PCDH11X: variants seen among roughly 807,000 people sequenced by gnomAD.
PCDH11X encodes protocadherin-11 X-linked.
A neutral mutation model predicts 53.3 loss-of-function variants in PCDH11X; 18 were observed. That is an observed-to-expected ratio of 0.34 (90% CI 0.23 to 0.50). The LOEUF (loss-of-function observed/expected upper bound fraction) is 0.50. PCDH11X is among the 20% of genes least tolerant of loss of function. The pLI is 0.98. For synonymous variants in PCDH11X, 279 were observed against 393.3 expected, an observed-to-expected ratio of 0.71 and a Z score of 3.44; for missense variants, 570 against 1,032.4, an observed-to-expected ratio of 0.55 and a Z score of 6.14.
chrX:92,219,569 C>T (rs1376946219), intron 7 of PCDH11X, among the ~76,000 whole-genome samples: 2 of 105,614 alleles, frequency 1.9e-5, no homozygotes, highest in South Asian at 4.4e-4. Context: ...AATGGAAGAA[C>T]ATTCCATGCT....
chrX:91,780,422 T>C (rs1248196235), intron 1 of PCDH11X, among the ~76,000 whole-genome samples: 3 of 112,119 alleles, frequency 2.7e-5, no homozygotes, highest in Non-Finnish European at 5.6e-5. Context: ...CAACTTATAA[T>C]CTAGCCGAAA....
intron 6 of PCDH11X, among the ~76,000 whole-genome samples, chrX:92,030,236 C>T (rs904690833): frequency 2.7e-5 from 3 of 111,984 alleles, no homozygotes; most frequent in Non-Finnish European, 5.6e-5. Context: ...GCTGGGATTA[C>T]ATGTGTGAGC....
chrX:91,884,591 TA>T (rs1940112044), intron 6 of PCDH11X, among the ~76,000 whole-genome samples: 1 of 111,742 alleles, frequency 8.9e-6, no homozygotes, highest in African/African-American at 3.3e-5. Flanking sequence ...GTAAGTCAAC[TA>T]ACTCATTTCC....
intron 6 of PCDH11X, among the ~76,000 whole-genome samples, chrX:91,920,322 A>G (rs1442931665): frequency 9.1e-6 from 1 of 110,338 alleles, no homozygotes; most frequent in Non-Finnish European, 1.9e-5. Context: ...AATGGTGGAT[A>G]AAATAGGGCC....
At chrX:92,431,839 G>T (rs1293208607) in intron 9 of PCDH11X, among the ~76,000 whole-genome samples, 1 of 109,181 alleles carries the variant, frequency 9.2e-6, no homozygotes, top group Non-Finnish European at 1.9e-5. Context: ...CTTAGACAAG[G>T]TTAAAATCTT....
At chrX:92,284,998 T>C (rs2068332010) in intron 8 of PCDH11X, among the ~76,000 whole-genome samples, 1 of 111,343 alleles carries the variant, frequency 9.0e-6, no homozygotes, top group Non-Finnish European at 1.9e-5. Context: ...TTTTCCACTT[T>C]TTCCCTCTGT....
chrX:91,831,936 T>C (rs1386376413), intron 4 of PCDH11X, among the ~76,000 whole-genome samples: 6 of 104,531 alleles, frequency 5.7e-5, no homozygotes, highest in African/African-American at 2.1e-4. Context: ...TCCTTCTAGG[T>C]TGGCAACATA....
chrX:92,402,128 T>C (rs1452631550), intron 9 of PCDH11X, among the ~76,000 whole-genome samples: 1 of 111,294 alleles, frequency 9.0e-6, no homozygotes, highest in African/African-American at 3.3e-5. Context: ...AATAACTCTG[T>C]AACCTAGGTG....
At chrX:92,121,596 ACTCTGT>A (rs1213760773) in intron 6 of PCDH11X, among the ~76,000 whole-genome samples, 1 of 111,651 alleles carries the variant, frequency 9.0e-6, no homozygotes, top group Non-Finnish European at 1.9e-5. Context: ...ATATGTGTGT[ACTCTGT>A]CACACAATGC....
rs773507958 is a variant in PCDH11X, at chrX:92,014,522, A to G, written c.3033+135249A>G. On this transcript the variant is annotated intron_variant, in intron 6 of 10. Transcript: ENST00000682573. ...ACTAGAAATATCATTTGACCCAGCC[A>G]TCCCATTACTGGGTATATACCCAAA... is the stretch of plus-strand genomic sequence containing the variant. Among the ~76,000 whole-genome samples, 204 of 109,192 alleles carry G rather than the reference A, an allele frequency of 1.9e-3. 1 individual carries two copies. The highest frequency in any genetic ancestry group is 6.6e-3 in the African/African-American group (199 of 30,015). The allele number at this position is 109,192 out of a possible 115,157, so 94.8% of individuals were successfully genotyped here.
rs772515932 is a variant in PCDH11X, at chrX:92,148,619, G to C, written c.3034-52756G>C. Among the ~76,000 whole-genome samples the C allele has an allele frequency of 1.5e-3, 159 of 108,786 alleles. 1 individual carries two copies. Among genetic ancestry groups the C allele is most frequent in the African/African-American group, 5.1e-3 (153 of 30,147 alleles). 94.5% of individuals were successfully genotyped at this position (108,786 alleles called of 115,157 possible). ...GATAGTGTAGCGTAGGCACATCTAGGCTTACATAAAATAAATTATTATTTT... is the reference window on the plus strand; with the variant it reads ...GATAGTGTAGCGTAGGCACATCTAGCCTTACATAAAATAAATTATTATTTT... On this transcript the variant is annotated intron_variant, in intron 6 of 10. Transcript: ENST00000682573.
chrX:92,418,658 C>T (rs1207252507), intron 9 of PCDH11X, among the ~76,000 whole-genome samples: 1 of 109,144 alleles, frequency 9.2e-6, no homozygotes, highest in Non-Finnish European at 1.9e-5. Flanking sequence ...GTGGTACGAT[C>T]ATAGTTTACT....
At chrX:91,834,746 T>C (rs1937233542) in intron 4 of PCDH11X, 1 of 108,666 alleles carries the variant, frequency 9.2e-6, no homozygotes, top group Non-Finnish European at 1.9e-5. Flanking sequence ...TAATAAGCAG[T>C]TATGTCAATC....
intron 6 of PCDH11X, among the ~76,000 whole-genome samples, chrX:92,167,241 T>C: frequency 9.0e-6 from 1 of 111,613 alleles, no homozygotes; most frequent in Non-Finnish European, 1.9e-5. Context: ...GGGAATCTTC[T>C]CTTAAGAACT....
chrX:92,122,749 C>T (rs1395841041), intron 6 of PCDH11X, among the ~76,000 whole-genome samples: 1 of 110,262 alleles, frequency 9.1e-6, no homozygotes, highest in Non-Finnish European at 1.9e-5. Context: ...CCTGCCTGGC[C>T]AACATGGTGA....
At chrX:92,392,972 C>T (rs1327538821) in intron 9 of PCDH11X, among the ~76,000 whole-genome samples, 1 of 109,767 alleles carries the variant, frequency 9.1e-6, no homozygotes. Flanking sequence ...CATCTGAGTC[C>T]ACAGTTCAGC....
At chrX:92,566,197 T>A (rs1267847619) in intron 10 of PCDH11X, among the ~76,000 whole-genome samples, 19 of 109,680 alleles carry the variant, frequency 1.7e-4, no homozygotes, top group African/African-American at 6.3e-4. Context: ...CCAAGTCATA[T>A]CAATATCACA....
chrX:92,110,083 A>T (rs1264817233), intron 6 of PCDH11X, among the ~76,000 whole-genome samples: 1 of 112,093 alleles, frequency 8.9e-6, no homozygotes, highest in Non-Finnish European at 1.9e-5. Context: ...TTATAGATTG[A>T]TTAGTCCCTA....
intron 8 of PCDH11X, among the ~76,000 whole-genome samples, chrX:92,361,556 C>T (rs1473417462): frequency 1.8e-5 from 2 of 111,235 alleles, no homozygotes; most frequent in Non-Finnish European, 3.8e-5. Context: ...TTGAAAATCC[C>T]TGATTCATTA....
Sources: gnomAD v4.1 joint callset for allele counts (sites outside exome capture counted in the v4.1 genomes callset) on GRCh38, gnomAD v4.1.1 for gene constraint, MANE v1.5 for transcripts, NCBI Gene and HGNC (gene_info 2026-07-23, HGNC 2026-07-21) for gene names.